BHMT2: variants seen among roughly 807,000 people sequenced by gnomAD.
BHMT2 encodes the protein S-methylmethionine--homocysteine S-methyltransferase BHMT2.
BHMT2 carries 28 observed loss-of-function variants against 39.0 expected under a neutral mutation model. The observed-to-expected ratio is 0.72, with a 90% CI of 0.53 to 0.98. The LOEUF is 0.98. BHMT2 is among the 50% of genes least tolerant of loss of function. The probability of loss-of-function intolerance (pLI) is 0.00; values close to 1 mark genes in which losing one functional copy is unlikely to be tolerated. For missense variants in BHMT2, 410 were observed against 455.6 expected (o/e 0.90, Z 0.91); for synonymous variants, 145 against 160.6 (o/e 0.90, Z 0.74).
chr5:79,085,918 A>G (rs1755884172), intron 7 of BHMT2, among the ~76,000 whole-genome samples: 1 of 152,072 alleles, frequency 6.6e-6, no homozygotes, highest in Non-Finnish European at 1.5e-5. Flanking sequence ...GATTCAAAGT[A>G]AGAAGAAAGA....
At position 79,083,638 on chromosome 5, in the gene BHMT2, C is replaced by T; in HGVS notation, c.792C>T (p.Ser264=). ...ACTATTGTGATTCAGGACTGGAGTC[C>T]AGAGTTGCCACCAGATGGGATATTC... ...DLPEYPFGLE[S]RVATRWDIQK... is the part of the protein sequence containing the mutation. The change falls in exon 7 of 8, where the codon TCC becomes TCT. Residue 264 remains serine, a synonymous_variant. Coordinates refer to ENST00000255192, the MANE Select transcript of BHMT2 (RefSeq NM_017614.5). The T allele has an allele frequency of 6.2e-7, 1 of 1,613,802 alleles. No individual in the cohort carries two copies. Among genetic ancestry groups the T allele is most frequent in the Non-Finnish European group, 8.5e-7 (1 of 1,179,878 alleles).
chr5:79,083,881 T>G, intron 7 of BHMT2, 25 bp downstream of exon 7: 1 of 1,584,396 alleles, frequency 6.3e-7, no homozygotes, highest in Non-Finnish European at 8.6e-7. Context: ...ATTAACATTC[T>G]TATTATTTTC....
chr5:79,083,450 A>C, intron 6 of BHMT2, 76 bp downstream of exon 6: 1 of 1,510,404 alleles, frequency 6.6e-7, no homozygotes, highest in Non-Finnish European at 8.9e-7. Flanking sequence ...ATTGTGGCCC[A>C]GTTTTACAAT....
At chr5:79,085,542 G>A (rs549627592) in intron 7 of BHMT2, among the ~76,000 whole-genome samples, 2 of 152,252 alleles carry the variant, frequency 1.3e-5, no homozygotes, top group African/African-American at 2.4e-5. Flanking sequence ...TTAGCCTGGC[G>A]TGGTGGCGGG....
Position 79,069,814 on chromosome 5 carries a change from A to G in BHMT2, c.32A>G (p.Lys11Arg). 7.0e-7 allele frequency: 1 copy of G among 1,432,812 alleles called. No homozygotes were observed. The highest frequency in any genetic ancestry group is 9.2e-7 in the Non-Finnish European group (1 of 1,086,278). The allele number at this position is 1,432,812 out of a possible 1,614,324, so 88.8% of individuals were successfully genotyped here. The change falls in exon 1 of 8, where the codon AAG becomes AGG. Residue 11 changes from lysine (K) to arginine (R), a missense_variant and splice_region_variant. By Grantham distance (26) the Lys-to-Arg change is conservative (BLOSUM62 2). Coordinates refer to ENST00000255192, the MANE Select transcript of BHMT2 (RefSeq NM_017614.5). MAPAGRPGAKKGILERLESGE... is the reference protein window; with the variant it reads MAPAGRPGAKRGILERLESGE... ...CCTGCTGGACGCCCGGGGGCCAAGA[A>G]GGTGAGTTTCGTCCCCTCGATCCTC...
intron 7 of BHMT2, among the ~76,000 whole-genome samples, chr5:79,087,570 T>C (rs1205867032): frequency 6.6e-6 from 1 of 152,144 alleles, no homozygotes; most frequent in African/African-American, 2.4e-5. Flanking sequence ...CAATAAACAC[T>C]AGATTTCTGA....
At chr5:79,072,196 G>C (rs976614767) in intron 1 of BHMT2, among the ~76,000 whole-genome samples, 42 of 152,076 alleles carry the variant, frequency 2.8e-4, no homozygotes, top group Non-Finnish European at 5.1e-4. Context: ...GAACCCTGGA[G>C]GTGGAGGTTG....
In BHMT2 at chr5:79,077,143, C is replaced by T. The variant is rs547368810; in HGVS notation, c.34-337C>T. On this transcript the variant is annotated intron_variant, in intron 1 of 7. Transcript: ENST00000255192. Reference sequence around the variant, plus strand: ...GGGGCATTGTCCCCCCACACAAAAACAGGGGAGAGAATGCACACTAGGTAG... The same window carrying T: ...GGGGCATTGTCCCCCCACACAAAAATAGGGGAGAGAATGCACACTAGGTAG... Among the ~76,000 whole-genome samples, 3 of 152,318 alleles carry T rather than the reference C, an allele frequency of 2.0e-5. No homozygotes were observed. The East Asian group carries it at 5.8e-4, about 29-fold the overall frequency.
intron 5 of BHMT2, 47 bp from the exon 6 acceptor site, chr5:79,083,144 AG>A: frequency 6.3e-7 from 1 of 1,587,146 alleles, no homozygotes; most frequent in Non-Finnish European, 8.6e-7. Flanking sequence ...TTAAAAAAAA[AG>A]AATAAACAAA....
intron 3 of BHMT2, among the ~76,000 whole-genome samples, chr5:79,080,446 G>T (rs1048390621): frequency 6.6e-6 from 1 of 152,182 alleles, no homozygotes; most frequent in Non-Finnish European, 1.5e-5. Flanking sequence ...ATCTGGAGGT[G>T]CAAGGTCAAG....
chr5:79,073,128 TA>T (rs1438825010), intron 1 of BHMT2, among the ~76,000 whole-genome samples: 5 of 152,030 alleles, frequency 3.3e-5, no homozygotes, highest in Non-Finnish European at 1.5e-5. Context: ...CATGCCCAGT[TA>T]ATTTTTGTAT....
At chr5:79,085,633 G>A (rs1022837015) in intron 7 of BHMT2, among the ~76,000 whole-genome samples, 2 of 152,204 alleles carry the variant, frequency 1.3e-5, no homozygotes, top group Non-Finnish European at 2.9e-5. Flanking sequence ...AGTGAGCCAA[G>A]ATTGTGCCAC....
rs199517002 is a variant in BHMT2, at chr5:79,083,672, G to A, written c.826G>A (p.Ala276Thr). Residue 276 changes from alanine (A) to threonine (T), a missense_variant, in exon 7 of 8, where the codon GCC becomes ACC. Transcript: ENST00000255192. ...CACCAGATGGGATATTCAAAAATACGCCAGAGAGGCCTACAACCTGGGGGT... is the reference window on the plus strand; with the variant it reads ...CACCAGATGGGATATTCAAAAATACACCAGAGAGGCCTACAACCTGGGGGT... ...VATRWDIQKY[A>T]REAYNLGVRY... The A allele has an allele frequency of 2.5e-6, 4 of 1,613,848 alleles. No homozygotes were observed. Among genetic ancestry groups the A allele is most frequent in the Middle Eastern group, 1.6e-4 (1 of 6,076 alleles).
chr5:79,083,370 C>A lies in BHMT2; in HGVS notation c.777C>A (p.Pro259=), dbSNP rs1336611118. Residue 259 remains proline (P), a synonymous_variant, in exon 6 of 8, where the codon CCC becomes CCA. Coordinates refer to ENST00000255192, the MANE Select transcript of BHMT2 (RefSeq NM_017614.5). ...GGTTTGTGGATCTCCCAGAATATCC[C>A]TTTGGTAAGCTCAGGTGCATAGTAG... ...KEGFVDLPEY[P]FGLESRVATR... 2 of 1,595,040 alleles carry A rather than the reference C, an allele frequency of 1.3e-6. No individual in the cohort carries two copies. The highest frequency in any genetic ancestry group is 1.1e-5 in the South Asian group (1 of 88,674).
At chr5:79,084,184 G>A (rs1209371090) in intron 7 of BHMT2, among the ~76,000 whole-genome samples, 1 of 152,130 alleles carries the variant, frequency 6.6e-6, no homozygotes, top group Non-Finnish European at 1.5e-5. Context: ...AAGGAAGCAG[G>A]CATTCCTTAT....
At position 79,069,811 on chromosome 5, in the gene BHMT2, A is replaced by G; in HGVS notation, c.29A>G (p.Lys10Arg). Residue 10 changes from lysine (K) to arginine (R), a missense_variant, in exon 1 of 8, where the codon AAG becomes AGG. Coordinates refer to ENST00000255192, the MANE Select transcript of BHMT2 (RefSeq NM_017614.5). The stretch of plus-strand genomic sequence containing the variant: ...GCACCTGCTGGACGCCCGGGGGCCA[A>G]GAAGGTGAGTTTCGTCCCCTCGATC... MAPAGRPGA[K>R]KGILERLESG... The G allele has an allele frequency of 7.0e-7, 1 of 1,435,448 alleles. No homozygotes were observed. The highest frequency in any genetic ancestry group is 9.2e-7 in the Non-Finnish European group (1 of 1,087,902). The allele number at this position is 1,435,448 out of a possible 1,614,324, so 88.9% of individuals were successfully genotyped here.
chr5:79,084,985 T>C (rs781549173), intron 7 of BHMT2, among the ~76,000 whole-genome samples: 5 of 152,192 alleles, frequency 3.3e-5, no homozygotes, highest in Admixed American at 6.5e-5. Flanking sequence ...TAAGAATAGA[T>C]TCCCCTCTGC....
chr5:79,072,270 A>C (rs906511604), intron 1 of BHMT2, among the ~76,000 whole-genome samples: 5 of 152,108 alleles, frequency 3.3e-5, no homozygotes, highest in South Asian at 2.1e-4. Context: ...TCTGTCTCAA[A>C]AAAAAAAAGA....
At chr5:79,070,837 A>G (rs1755553123) in intron 1 of BHMT2, among the ~76,000 whole-genome samples, 1 of 152,220 alleles carries the variant, frequency 6.6e-6, no homozygotes, top group African/African-American at 2.4e-5. Context: ...CCAACCATAT[A>G]CAAATATTTA....
Sources: allele counts gnomAD v4.1 joint callset (sites outside exome capture counted in the v4.1 genomes callset), GRCh38; gene constraint gnomAD v4.1.1; transcripts MANE v1.5; gene names NCBI Gene and HGNC (gene_info 2026-07-23, HGNC 2026-07-21).